Variants in MAP3K20 observed in about 807,000 individuals in gnomAD.
MAP3K20 encodes the protein HCCS-4.
Under a neutral mutation model 85.7 loss-of-function variants are expected in MAP3K20, and 40 were observed. The observed-to-expected ratio is 0.47, with a 90% CI of 0.36 to 0.61. The LOEUF is 0.61. Ranked by LOEUF, MAP3K20 falls within the 20% of genes least tolerant of loss-of-function variation. The pLI is 0.00. For missense variants in MAP3K20, 817 were observed against 961.7 expected (o/e 0.85, Z 1.99); for synonymous variants, 325 against 327.7 (o/e 0.99, Z 0.09).
Position 173,232,348 on chromosome 2 carries a change from T to C in MAP3K20, c.1092T>C (p.Tyr364=). ...KGDSSAEMSV[Y]ASLFKENNIT... is the part of the protein sequence containing the mutation. Reference sequence around the variant, plus strand: ...ACTCTTCAGCAGAGATGAGTGTATATGCAAGCTTGTTTAAAGAAAACAACA... The same window carrying C: ...ACTCTTCAGCAGAGATGAGTGTATACGCAAGCTTGTTTAAAGAAAACAACA... Residue 364 remains tyrosine (Y), a synonymous_variant, in exon 14 of 20, where the codon TAT becomes TAC. Transcript: ENST00000375213. 6.2e-7 allele frequency: 1 copy of C among 1,614,256 alleles called. No homozygotes were observed.
chr2:173,171,444 A>C (rs1240015945), intron 3 of MAP3K20, among the ~76,000 whole-genome samples: 1 of 152,126 alleles, frequency 6.6e-6, no homozygotes, highest in Admixed American at 6.6e-5. Flanking sequence ...TTGGCCAACT[A>C]ATGAGCTATT....
At chr2:173,186,827 C>T (rs1479293214) in intron 4 of MAP3K20, among the ~76,000 whole-genome samples, 2 of 151,958 alleles carry the variant, frequency 1.3e-5, no homozygotes, top group Admixed American at 1.3e-4. Context: ...TAAAATGTGT[C>T]TTTAAAGTAT....
At chr2:173,237,640 C>T (rs1286558293) in intron 14 of MAP3K20, among the ~76,000 whole-genome samples, 3 of 152,150 alleles carry the variant, frequency 2.0e-5, no homozygotes, top group Non-Finnish European at 4.4e-5. Context: ...ATTTGTGTTT[C>T]ATTGGCAGAG....
At chr2:173,090,866 C>T in intron 1 of MAP3K20, 132 bp from the exon 2 acceptor site, 1 of 1,354,398 alleles carries the variant, frequency 7.4e-7, no homozygotes, top group Admixed American at 3.3e-5. Context: ...TCTTGCTTTT[C>T]TTCTTCCTAA....
At chr2:173,130,130 T>C (rs1411064048) in intron 2 of MAP3K20, among the ~76,000 whole-genome samples, 2 of 152,222 alleles carry the variant, frequency 1.3e-5, no homozygotes, top group Non-Finnish European at 2.9e-5. Flanking sequence ...GTCAAACAAG[T>C]GCATCTGATG....
At chr2:173,203,728 C>T (rs571179603) in intron 8 of MAP3K20, 68 bp from the exon 9 acceptor site, 28 of 1,178,796 alleles carry the variant, frequency 2.4e-5, no homozygotes, top group South Asian at 4.9e-5. Context: ...CCTTCAGATA[C>T]GGTGTTTGCT....
intron 2 of MAP3K20, among the ~76,000 whole-genome samples, chr2:173,105,749 G>T (rs192907421): frequency 6.6e-6 from 1 of 152,140 alleles, no homozygotes; most frequent in African/African-American, 2.4e-5. Flanking sequence ...ATTACCAGGG[G>T]CTGGGAGAGA....
chr2:173,114,916 A>T (rs564729120), intron 2 of MAP3K20, among the ~76,000 whole-genome samples: 1 of 152,282 alleles, frequency 6.6e-6, no homozygotes, highest in African/African-American at 2.4e-5. Flanking sequence ...AATTTCCCAG[A>T]TGTTCTTTGT....
At chr2:173,256,554 G>A (rs1029408659) in intron 16 of MAP3K20, among the ~76,000 whole-genome samples, 1 of 148,680 alleles carries the variant, frequency 6.7e-6, no homozygotes, top group Non-Finnish European at 1.5e-5. Flanking sequence ...GACAGATAGA[G>A]AGAATGTGCA....
At position 173,229,747 on chromosome 2, in the gene MAP3K20, A is replaced by C. The variant is rs2106329329; in HGVS notation, c.1032+14A>C. 6.2e-7 allele frequency: 1 copy of C among 1,613,862 alleles called. No homozygotes were observed. Among genetic ancestry groups the C allele is most frequent in the Middle Eastern group, 1.6e-4 (1 of 6,062 alleles). ...GAAGACGATGTGGTAAGCTCTTTGT[A>C]TTCATGCCTTATTTGACTTGAGCAG... On this transcript the variant is annotated intron_variant, in intron 12 of 19. Transcript: ENST00000375213.
chr2:173,125,954 G>T (rs977423848), intron 2 of MAP3K20, among the ~76,000 whole-genome samples: 1 of 152,040 alleles, frequency 6.6e-6, no homozygotes, highest in Non-Finnish European at 1.5e-5. Flanking sequence ...GAACCACTGC[G>T]CCTGGCCCCT....
At chr2:173,160,924 T>C (rs575920723) in intron 2 of MAP3K20, among the ~76,000 whole-genome samples, 4 of 152,184 alleles carry the variant, frequency 2.6e-5, no homozygotes, top group South Asian at 4.1e-4. Context: ...GCACCTACCG[T>C]AGCTTTCAGG....
chr2:173,251,660 T>C (rs1445320482), intron 16 of MAP3K20, among the ~76,000 whole-genome samples: 1 of 152,228 alleles, frequency 6.6e-6, no homozygotes, highest in East Asian at 1.9e-4. Context: ...TGTTTGGGAA[T>C]AGGCACGAGG....
chr2:173,233,405 G>A (rs1684566559), intron 14 of MAP3K20, among the ~76,000 whole-genome samples: 2 of 152,164 alleles, frequency 1.3e-5, no homozygotes, highest in South Asian at 4.1e-4. Flanking sequence ...CTAAACCTCT[G>A]TGTTCATTGT....
intron 11 of MAP3K20, among the ~76,000 whole-genome samples, chr2:173,228,289 GCCTTCCATTCCCAT>G (rs1177070748): frequency 6.6e-6 from 1 of 151,912 alleles, no homozygotes; most frequent in Admixed American, 6.6e-5. Flanking sequence ...TGAACTCACT[GCCTTCCATTCCCAT>G]CCTTCCCTCC....
At chr2:173,249,602 T>C (rs953472832) in intron 16 of MAP3K20, among the ~76,000 whole-genome samples, 2 of 152,186 alleles carry the variant, frequency 1.3e-5, no homozygotes, top group Admixed American at 6.5e-5. Context: ...TAAAACTTTA[T>C]TTGCAGTAGA....
At chr2:173,218,844 A>G (rs1462459963) in intron 11 of MAP3K20, among the ~76,000 whole-genome samples, 1 of 152,204 alleles carries the variant, frequency 6.6e-6, no homozygotes, top group East Asian at 1.9e-4. Context: ...TAGTTGCGTA[A>G]TAAATAATAA....
At chr2:173,109,037 T>C (rs565766782) in intron 2 of MAP3K20, among the ~76,000 whole-genome samples, 1 of 152,352 alleles carries the variant, frequency 6.6e-6, no homozygotes, top group African/African-American at 2.4e-5. Flanking sequence ...TATTTTCTGC[T>C]TCAACTCTCC....
At chr2:173,192,262 C>CTGTTT (rs946888234) in intron 7 of MAP3K20, among the ~76,000 whole-genome samples, 15 of 152,088 alleles carry the variant, frequency 9.9e-5, no homozygotes, top group African/African-American at 2.7e-4. Flanking sequence ...GTTGTCAGAC[C>CTGTTT]TGTTTTGTTT....
Sources: gnomAD v4.1 joint callset for allele counts (sites outside exome capture counted in the v4.1 genomes callset) on GRCh38, gnomAD v4.1.1 for gene constraint, MANE v1.5 for transcripts, NCBI Gene and HGNC (gene_info 2026-07-23, HGNC 2026-07-21) for gene names.